Variants in ASIC2 observed in about 807,000 individuals in gnomAD.
ASIC2 encodes acid-sensing ion channel 2.
In ASIC2, 25 loss-of-function variants were observed where a neutral mutation model predicts 57.3. The ratio of observed to expected loss-of-function variants is 0.44; its 90% CI spans 0.32 to 0.61. The LOEUF is 0.61. Among genes scored for constraint, ASIC2 ranks in the 20% least tolerant of loss-of-function variants. The pLI is 0.06. For synonymous variants in ASIC2, 319 were observed against 307.5 expected, an observed-to-expected ratio of 1.04 and a Z score of -0.39; for missense variants, 641 against 738.1, an observed-to-expected ratio of 0.87 and a Z score of 1.52.
intron 1 of ASIC2, among the ~76,000 whole-genome samples, chr17:33,959,333 G>A (rs759162156): frequency 9.2e-5 from 14 of 152,272 alleles, no homozygotes; most frequent in Non-Finnish European, 7.4e-5. Flanking sequence ...CCAATTTACA[G>A]TATTAATCAG....
chr17:33,201,366 G>T (rs183048835), intron 1 of ASIC2, among the ~76,000 whole-genome samples: 18 of 152,152 alleles, frequency 1.2e-4, no homozygotes, highest in Non-Finnish European at 2.4e-4. Flanking sequence ...TGGGACTGAG[G>T]GGGAGGTGGG....
intron 1 of ASIC2, among the ~76,000 whole-genome samples, chr17:33,790,943 A>G (rs186441007): frequency 6.6e-6 from 1 of 152,246 alleles, no homozygotes; most frequent in African/African-American, 2.4e-5. Flanking sequence ...TATGGGTGAA[A>G]AAAACAGAGG....
At chr17:33,264,844 A>C (rs759224971) in intron 1 of ASIC2, among the ~76,000 whole-genome samples, 1 of 152,260 alleles carries the variant, frequency 6.6e-6, no homozygotes, top group Non-Finnish European at 1.5e-5. Context: ...GTTACAGGGA[A>C]GGACAATAGT....
At chr17:33,300,652 G>A (rs567634771) in intron 1 of ASIC2, among the ~76,000 whole-genome samples, 6 of 152,260 alleles carry the variant, frequency 3.9e-5, no homozygotes, top group East Asian at 1.9e-4. Context: ...TATAACACAC[G>A]CAATTGAATG....
chr17:33,465,810 G>C (rs1005750618), intron 1 of ASIC2, among the ~76,000 whole-genome samples: 1 of 152,154 alleles, frequency 6.6e-6, no homozygotes, highest in African/African-American at 2.4e-5. Flanking sequence ...CCTGATTTTT[G>C]GTCCTCCAGC....
intron 1 of ASIC2, among the ~76,000 whole-genome samples, chr17:34,151,853 G>A (rs548998713): frequency 3.5e-4 from 54 of 152,196 alleles, no homozygotes; most frequent in African/African-American, 1.3e-3. Flanking sequence ...GAGTCAGCAC[G>A]ATAGCTCTAA....
intron 1 of ASIC2, among the ~76,000 whole-genome samples, chr17:33,455,597 T>C (rs749212761): frequency 6.6e-6 from 1 of 152,260 alleles, no homozygotes; most frequent in African/African-American, 2.4e-5. Flanking sequence ...CCATCATTGA[T>C]GGGCACCTAG....
At chr17:33,353,214 T>C (rs765967698) in intron 1 of ASIC2, among the ~76,000 whole-genome samples, 1 of 152,232 alleles carries the variant, frequency 6.6e-6, no homozygotes, top group Non-Finnish European at 1.5e-5. Flanking sequence ...GCTGTTTCCC[T>C]TAAAGTGCAT....
chr17:33,724,736 G>T (rs1909492379), intron 1 of ASIC2, among the ~76,000 whole-genome samples: 2 of 152,240 alleles, frequency 1.3e-5, no homozygotes, highest in South Asian at 4.1e-4. Flanking sequence ...AGGTAAGTTT[G>T]ATGCCCATTA....
chr17:34,040,070 G>A (rs1032549208), intron 1 of ASIC2, among the ~76,000 whole-genome samples: 17 of 143,892 alleles, frequency 1.2e-4, no homozygotes, highest in Non-Finnish European at 2.4e-4. Context: ...GGGAGGGGGG[G>A]CACGAAGGCC....
intron 1 of ASIC2, among the ~76,000 whole-genome samples, chr17:34,103,969 T>C (rs1191299763): frequency 6.6e-6 from 1 of 152,160 alleles, no homozygotes; most frequent in Non-Finnish European, 1.5e-5. Context: ...TCTAGAATTG[T>C]TTTATCTATT....
chr17:33,776,582 C>T (rs1043007952), intron 1 of ASIC2, among the ~76,000 whole-genome samples: 23 of 152,178 alleles, frequency 1.5e-4, no homozygotes, highest in Non-Finnish European at 2.2e-4. Context: ...TGGCCTTGGG[C>T]CTGGAACTCC....
intron 1 of ASIC2, among the ~76,000 whole-genome samples, chr17:34,124,684 G>A (rs1235235924): frequency 6.6e-6 from 1 of 152,112 alleles, no homozygotes; most frequent in African/African-American, 2.4e-5. Context: ...ATGCCAGCAT[G>A]GTCAGGCTCT....
chr17:33,246,335 A>G (rs1031618870), intron 1 of ASIC2, among the ~76,000 whole-genome samples: 7 of 152,128 alleles, frequency 4.6e-5, no homozygotes, highest in African/African-American at 1.7e-4. Flanking sequence ...AGGGAGAGAA[A>G]CAGAACACTT....
chr17:34,119,023 G>C (rs776208631), intron 1 of ASIC2: 4 of 152,230 alleles, frequency 2.6e-5, no homozygotes, highest in Non-Finnish European at 5.9e-5. Flanking sequence ...TGGCAAGAGA[G>C]ATGTTTAGCT....
intron 1 of ASIC2, among the ~76,000 whole-genome samples, chr17:33,675,599 G>C (rs572806678): frequency 6.6e-6 from 1 of 152,146 alleles, no homozygotes; most frequent in African/African-American, 2.4e-5. Context: ...ATTGATACAG[G>C]GTCTCTGGGT....
intron 1 of ASIC2, among the ~76,000 whole-genome samples, chr17:33,867,201 C>T (rs879886075): frequency 2.6e-5 from 4 of 152,110 alleles, no homozygotes; most frequent in Non-Finnish European, 5.9e-5. Flanking sequence ...TTTAGATTTT[C>T]TGCTATATCT....
intron 3 of ASIC2, among the ~76,000 whole-genome samples, chr17:33,074,728 C>T (rs1360039750): frequency 1.3e-5 from 2 of 152,308 alleles, no homozygotes; most frequent in East Asian, 1.9e-4. Context: ...GTTTCTTAAC[C>T]TCTCAGTGCT....
At position 33,891,015 on chromosome 17, in the gene ASIC2, C is replaced by T. The variant is rs557931439; in HGVS notation, c.555+264963G>A. Among the ~76,000 whole-genome samples, 42 of 152,220 alleles carry T rather than the reference C, an allele frequency of 2.8e-4. 1 individual carries two copies. Among genetic ancestry groups the T allele is most frequent in the African/African-American group, 7.9e-4 (33 of 41,540 alleles). Reference sequence around the variant, plus strand: ...CCTCGGGTGGTCTGAGACAGGAATCCTTGAGCCCTTCTTTGAAGAATGCTG... The same window carrying T: ...CCTCGGGTGGTCTGAGACAGGAATCTTTGAGCCCTTCTTTGAAGAATGCTG... On this transcript the variant is annotated intron_variant, in intron 1 of 9. Coordinates refer to the ASIC2 transcript ENST00000359872.
Sources: gnomAD v4.1 joint callset for allele counts (sites outside exome capture counted in the v4.1 genomes callset) on GRCh38, gnomAD v4.1.1 for gene constraint, MANE v1.5 for transcripts, NCBI Gene and HGNC (gene_info 2026-07-23, HGNC 2026-07-21) for gene names.